Variants in DUSP26 observed in about 807,000 individuals in gnomAD.
DUSP26 encodes dual specificity phosphatase 26.
DUSP26 carries 12 observed loss-of-function variants against 20.0 expected under a neutral mutation model. That is an observed-to-expected ratio of 0.60 (90% CI 0.38 to 0.97). The LOEUF (loss-of-function observed/expected upper bound fraction) is 0.97. Ranked by LOEUF, DUSP26 falls within the 50% of genes least tolerant of loss-of-function variation. DUSP26 has a pLI of 0.00. For synonymous variants in DUSP26, 120 were observed against 118.8 expected (o/e 1.01, Z -0.06); for missense variants, 230 against 294.0 (o/e 0.78, Z 1.59).
intron 1 of DUSP26, 130 bp from the exon 2 acceptor site, chr8:33,597,721 G>A (rs1353700607): frequency 1.9e-6 from 1 of 519,552 alleles, no homozygotes; most frequent in Non-Finnish European, 3.4e-6. Context: ...GGAGCCTTCA[G>A]GGGTGGCTTT....
Position 33,592,008 on chromosome 8 carries a change from T to A in DUSP26, c.*5A>T. ...GGGCCTGGCCTGACCTCTCTCCCCC[T>A]CCCCTCATGCTTCCAGACCCTGCCG... On this transcript the variant is annotated 3_prime_UTR_variant, in exon 4 of 4. Coordinates refer to ENST00000256261, the MANE Select transcript of DUSP26 (RefSeq NM_024025.3). The A allele has an allele frequency of 6.2e-7, 1 of 1,612,376 alleles. No homozygotes were observed. The highest frequency in any genetic ancestry group is 8.5e-7 in the Non-Finnish European group (1 of 1,179,868).
intron 2 of DUSP26, among the ~76,000 whole-genome samples, chr8:33,594,949 C>G (rs1189033753): frequency 6.6e-6 from 1 of 152,048 alleles, no homozygotes; most frequent in Non-Finnish European, 1.5e-5. Flanking sequence ...GTCTCGAACT[C>G]CTGACCTTGT....
In DUSP26 at chr8:33,592,538, C is replaced by CAAAAAAAAAA. The variant is rs745687703; in HGVS notation, c.437-336_437-327dup. Reference sequence around the variant, plus strand: ...AGGCAACAAAAGTGAAACCCCATCTCAAAAAAAAAAAAAAAAAAAAAAAAA... The same window carrying CAAAAAAAAAA: ...AGGCAACAAAAGTGAAACCCCATCTCAAAAAAAAAAAAAAAAAAAAAAAAAAAAAAAAAAA... On this transcript the variant is annotated intron_variant, in intron 3 of 3. Coordinates refer to ENST00000256261, the MANE Select transcript of DUSP26 (RefSeq NM_024025.3). 2.1e-4 allele frequency among the ~76,000 whole-genome samples: 5 copies of CAAAAAAAAAA among 23,766 alleles called. 1 individual carries two copies. Among genetic ancestry groups the CAAAAAAAAAA allele is most frequent in the African/African-American group, 6.8e-4 (4 of 5,866 alleles). The allele number at this position is 23,766 out of a possible 152,430, so 15.6% of individuals were successfully genotyped here.
intron 2 of DUSP26, among the ~76,000 whole-genome samples, chr8:33,595,301 C>T (rs573138838): frequency 6.6e-6 from 1 of 152,062 alleles, no homozygotes; most frequent in Non-Finnish European, 1.5e-5. Context: ...CACCCAGAAC[C>T]GTCTTGTGTT....
At chr8:33,599,333 T>TC (rs779369398) in intron 1 of DUSP26, among the ~76,000 whole-genome samples, 1 of 152,148 alleles carries the variant, frequency 6.6e-6, no homozygotes, top group African/African-American at 2.4e-5. Context: ...GGGCTGTTTT[T>TC]CCCGGGGGAT....
Position 33,598,004 on chromosome 8 carries a change from T to C in DUSP26, c.-76-413A>G, listed in dbSNP as rs117590523. Among the ~76,000 whole-genome samples the C allele has an allele frequency of 2.5e-3, 382 of 152,124 alleles. 12 individuals carry two copies. The East Asian group carries it at 0.045, about 18-fold the overall frequency. ...GCTATCGGCAGAGAGCCTAGGGAGC[T>C]GGGATGGGGTTGGGGGTACCTTTAG... On this transcript the variant is annotated intron_variant, in intron 1 of 3. Transcript: ENST00000256261.
At chr8:33,596,944 G>A (rs1258796410) in intron 2 of DUSP26, among the ~76,000 whole-genome samples, 2 of 152,030 alleles carry the variant, frequency 1.3e-5, no homozygotes, top group African/African-American at 4.8e-5. Flanking sequence ...TCCAGACTTG[G>A]GTATTTTTAT....
At chr8:33,595,871 G>A (rs934126124) in intron 2 of DUSP26, among the ~76,000 whole-genome samples, 5 of 152,130 alleles carry the variant, frequency 3.3e-5, no homozygotes, top group African/African-American at 9.6e-5. Context: ...CTTACAACCC[G>A]TGTGACCTTG....
In DUSP26 at chr8:33,591,853, C is replaced by G. The variant is rs1311753000; in HGVS notation, c.*160G>C. 1.2e-6 allele frequency: 1 copy of G among 821,618 alleles called. No individual in the cohort carries two copies. Among genetic ancestry groups the G allele is most frequent in the Non-Finnish European group, 1.9e-6 (1 of 539,636 alleles). 50.9% of individuals were successfully genotyped at this position (821,618 alleles called of 1,614,324 possible). A position where few individuals can be genotyped will look rare whatever the true frequency, so the allele number is the denominator to read the frequency against. ...ACTGCCCAACCTCACTCCCCGTCCCCTCCCACAAAGAGTGACAGTGGCCTG... is the reference window on the plus strand; with the variant it reads ...ACTGCCCAACCTCACTCCCCGTCCCGTCCCACAAAGAGTGACAGTGGCCTG... On this transcript the variant is annotated 3_prime_UTR_variant, in exon 4 of 4. Coordinates refer to ENST00000256261, the MANE Select transcript of DUSP26 (RefSeq NM_024025.3).
chr8:33,595,596 G>A (rs557166340), intron 2 of DUSP26, among the ~76,000 whole-genome samples: 2 of 151,986 alleles, frequency 1.3e-5, no homozygotes, highest in African/African-American at 2.4e-5. Context: ...GGCCAGGCTG[G>A]TCTTGAACTC....
rs765528913 is a variant in DUSP26, at chr8:33,592,061, C to G, written c.588G>C (p.Arg196Ser). The G allele has an allele frequency of 5.0e-6, 8 of 1,613,910 alleles. No homozygotes were observed. Among genetic ancestry groups the G allele is most frequent in the Admixed American group, 1.7e-5 (1 of 59,976 alleles). The change falls in exon 4 of 4, where the codon AGG becomes AGC. Residue 196 changes from arginine to serine, a missense_variant. By Grantham distance (110) the Arg-to-Ser change is moderately radical. Transcript: ENST00000256261. ...GCCTGCGGTCCAGGGCCAGGAGCTG[C>G]CTCAGGAAGCCCCGGTTGGGGATGA... ...RGIIPNRGFL[R>S]QLLALDRRLR...
intron 2 of DUSP26, among the ~76,000 whole-genome samples, chr8:33,595,427 G>A (rs530678003): frequency 6.6e-6 from 1 of 150,812 alleles, no homozygotes; most frequent in African/African-American, 2.4e-5. Flanking sequence ...AGGCTGGAGT[G>A]CTAGAGTGCA....
At chr8:33,593,223 G>A (rs1811063678) in intron 3 of DUSP26, among the ~76,000 whole-genome samples, 1 of 152,102 alleles carries the variant, frequency 6.6e-6, no homozygotes, top group Non-Finnish European at 1.5e-5. Flanking sequence ...AGTGAGCTGA[G>A]ATCACGTCAC....
At chr8:33,592,887 G>A (rs1397847269) in intron 3 of DUSP26, among the ~76,000 whole-genome samples, 1 of 151,790 alleles carries the variant, frequency 6.6e-6, no homozygotes, top group Non-Finnish European at 1.5e-5. Flanking sequence ...ATATATATAT[G>A]TATATGGAGA....
rs1190287863 is a variant in DUSP26, at chr8:33,597,392, A to T, written c.124T>A (p.Phe42Ile). ...LEEMPTVQHP[F>I]LNVFELERLL... ...CGCTCCAACTCGAAGACATTGAGGA[A>T]AGGATGTTGAACGGTTGGCATCTCC... The change falls in exon 2 of 4, where the codon TTC becomes ATC. Residue 42 changes from phenylalanine to isoleucine, a missense_variant. Phe to Ile is a conservative substitution (Grantham distance 21, BLOSUM62 0). Transcript: ENST00000256261. 1.2e-6 allele frequency: 2 copies of T among 1,614,160 alleles called. No individual in the cohort carries two copies. Among genetic ancestry groups the T allele is most frequent in the Admixed American group, 1.7e-5 (1 of 59,998 alleles).
At chr8:33,594,483 T>C (rs957717728) in intron 2 of DUSP26, among the ~76,000 whole-genome samples, 3 of 151,118 alleles carry the variant, frequency 2.0e-5, no homozygotes, top group Non-Finnish European at 4.4e-5. Flanking sequence ...TCCCAGCTAC[T>C]CAGGAGGCTG....
At chr8:33,597,238 C>G (rs1811167899) in intron 2 of DUSP26, 57 bp downstream of exon 2, 2 of 1,500,742 alleles carry the variant, frequency 1.3e-6, no homozygotes, top group Non-Finnish European at 1.8e-6. Context: ...CTTCTCCTTT[C>G]TTACACACAC....
At position 33,592,021 on chromosome 8, in the gene DUSP26, C is replaced by G. The variant is rs1209116925; in HGVS notation, c.628G>C (p.Glu210Gln). ...ALDRRLRQGL[E>Q]A ...CCTCTCTCCCCCTCCCCTCATGCTT[C>G]CAGACCCTGCCGCAGCCTGCGGTCC... The change falls in exon 4 of 4, where the codon GAA becomes CAA. Residue 210 changes from glutamate (E) to glutamine (Q), a missense_variant. Physicochemically the swap from Glu to Gln is conservative, Grantham distance 29. Coordinates refer to ENST00000256261, the MANE Select transcript of DUSP26 (RefSeq NM_024025.3). The G allele has an allele frequency of 1.9e-6, 3 of 1,613,476 alleles. No individual in the cohort carries two copies. The highest frequency in any genetic ancestry group is 2.5e-6 in the Non-Finnish European group (3 of 1,180,012).
At position 33,593,611 on chromosome 8, in the gene DUSP26, C is replaced by A; in HGVS notation, c.358G>T (p.Asp120Tyr). 1 of 1,614,152 alleles carries A rather than the reference C, an allele frequency of 6.2e-7. No individual in the cohort carries two copies. Among genetic ancestry groups the A allele is most frequent in the Non-Finnish European group, 8.5e-7 (1 of 1,180,036 alleles). Residue 120 changes from aspartate to tyrosine, a missense_variant, in exon 3 of 4, where the codon GAC becomes TAC. By Grantham distance (160) the Asp-to-Tyr change is radical (BLOSUM62 -3). Coordinates refer to ENST00000256261, the MANE Select transcript of DUSP26 (RefSeq NM_024025.3). ...ATGCTCATGTCAAAGGCTGGCGAGT[C>A]GTGGGCCTCAACACCCAGGTAGCGG... ...GIRYLGVEAH[D>Y]SPAFDMSIHF...
Sources: gnomAD v4.1 joint callset for allele counts (sites outside exome capture counted in the v4.1 genomes callset) on GRCh38, gnomAD v4.1.1 for gene constraint, MANE v1.5 for transcripts, NCBI Gene and HGNC (gene_info 2026-07-23, HGNC 2026-07-21) for gene names.